The following HVCN1 variants were observed in gnomAD, a reference collection of about 807,000 sequenced individuals.
HVCN1 encodes the protein hydrogen voltage gated channel 1, also known as voltage-gated hydrogen channel 1.
HVCN1 carries 14 observed loss-of-function variants against 29.2 expected under a neutral mutation model. That is an observed-to-expected ratio of 0.48 (90% CI 0.32 to 0.75). The LOEUF is 0.75. Among genes scored for constraint, HVCN1 ranks in the 30% least tolerant of loss-of-function variants. The pLI is 0.04. For missense variants in HVCN1, 263 were observed against 341.8 expected (o/e 0.77, Z 1.82); for synonymous variants, 131 against 133.2 (o/e 0.98, Z 0.11).
At chr12:110,690,970 G>C, upstream of HVCN1, among the ~76,000 whole-genome samples, 1 of 151,666 alleles carries the variant, frequency 6.6e-6, no homozygotes, top group East Asian at 1.9e-4. Context: ...GGTCAGGCTG[G>C]TCTCGAACTT....
chr12:110,678,452 T>C (rs918300210), intron 3 of HVCN1, among the ~76,000 whole-genome samples: 7 of 111,296 alleles, frequency 6.3e-5, no homozygotes, highest in Non-Finnish European at 1.1e-4. Context: ...TTTTTTTTTT[T>C]TTTTTTTTTT....
rs1036037879 is a variant in HVCN1 at position 110,697,725 on chromosome 12, A to T, written c.-104+4584T>A. 4.8e-5 allele frequency among the ~76,000 whole-genome samples: 7 copies of T among 146,074 alleles called. No homozygotes were observed. In the Admixed American group the frequency reaches 5.0e-4, roughly 10 times the overall value. ...CAGTGCGGTGGCACGATCTCAGCTC[A>T]CTGCAACCTCCGTCTCCCAGGTTCA... On this transcript the variant is annotated intron_variant, in intron 2 of 4. Transcript: ENST00000546713.
At chr12:110,683,043 C>A in intron 3 of HVCN1, 182 bp downstream of exon 3, 1 of 732,270 alleles carries the variant, frequency 1.4e-6, no homozygotes. Flanking sequence ...TGTGGAATAT[C>A]AGGCTACTTG....
chr12:110,675,732 T>A (rs1248341539), intron 3 of HVCN1, among the ~76,000 whole-genome samples: 1 of 151,498 alleles, frequency 6.6e-6, no homozygotes, highest in Non-Finnish European at 1.5e-5. Context: ...ATGGTGAAAC[T>A]CTATCTCTAC....
chr12:110,678,439 CTTTTTTTTTTT>C lies in HVCN1; in HGVS notation c.21+4775_21+4785del, dbSNP rs538999674. 1.4e-3 allele frequency among the ~76,000 whole-genome samples: 92 copies of C among 65,848 alleles called. No homozygotes were observed. The East Asian group carries it at 0.026, about 19-fold the overall frequency. The allele number at this position is 65,848 out of a possible 152,430, so 43.2% of individuals were successfully genotyped here. On this transcript the variant is annotated intron_variant, in intron 3 of 7. Coordinates refer to ENST00000242607, the MANE Select transcript of HVCN1 (RefSeq NM_032369.4). ...TCTTATTTTCCATTTCATTCTATTT[CTTTTTTTTTTT>C]TTTTTTTTTTTTTTTTTTGAGACAG...
At chr12:110,650,106 AAGTGCT>A in intron 7 of HVCN1, 56 bp downstream of exon 7, 1 of 1,160,858 alleles carries the variant, frequency 8.6e-7, no homozygotes, top group Non-Finnish European at 1.3e-6. Flanking sequence ...TGGCCTCCCA[AAGTGCT>A]AGGATTACAG....
At chr12:110,685,155 C>T (rs1472564104) in intron 2 of HVCN1, among the ~76,000 whole-genome samples, 1 of 152,024 alleles carries the variant, frequency 6.6e-6, no homozygotes, top group East Asian at 1.9e-4. Flanking sequence ...CCTAGTGGAC[C>T]CAATGTCATC....
intron 5 of HVCN1, among the ~76,000 whole-genome samples, chr12:110,653,474 T>A (rs985917753): frequency 6.6e-6 from 1 of 150,786 alleles, no homozygotes; most frequent in African/African-American, 2.4e-5. Context: ...AAAAAAAAAA[T>A]TAAAAATTCC....
intron 3 of HVCN1, among the ~76,000 whole-genome samples, chr12:110,673,887 G>A (rs2068661192): frequency 6.6e-6 from 1 of 152,242 alleles, no homozygotes; most frequent in Non-Finnish European, 1.5e-5. Context: ...GGGCAGTGCA[G>A]AAGGGAAATG....
At chr12:110,687,368 G>A (rs764950294) in intron 2 of HVCN1, among the ~76,000 whole-genome samples, 1 of 151,996 alleles carries the variant, frequency 6.6e-6, no homozygotes. Context: ...CATTTATGGT[G>A]TGCCCTGAAT....
chr12:110,654,081 A>T (rs918760446), intron 5 of HVCN1, among the ~76,000 whole-genome samples: 4 of 152,180 alleles, frequency 2.6e-5, no homozygotes, highest in Admixed American at 6.6e-5. Flanking sequence ...ATTTTTCATA[A>T]AAAGTTGAGA....
chr12:110,678,839 G>A (rs927847420), intron 3 of HVCN1, among the ~76,000 whole-genome samples: 2 of 152,180 alleles, frequency 1.3e-5, no homozygotes, highest in South Asian at 4.1e-4. Flanking sequence ...ACAGTTTTGG[G>A]GGGACACGCT....
chr12:110,701,714 G>A (rs2069565460), intron 2 of HVCN1, among the ~76,000 whole-genome samples: 1 of 151,812 alleles, frequency 6.6e-6, no homozygotes, highest in South Asian at 2.1e-4. Context: ...AAAAGTAGCT[G>A]GGCATGGTGG....
At chr12:110,678,176 A>C (rs929791915) in intron 3 of HVCN1, among the ~76,000 whole-genome samples, 1 of 152,208 alleles carries the variant, frequency 6.6e-6, no homozygotes, top group East Asian at 1.9e-4. Flanking sequence ...GCCAGCGAGA[A>C]GCAAGGCTAG....
rs145739005 is a variant in HVCN1, at chr12:110,651,743, C to A, written c.412-295G>T. ...GCACAGGGACTAAGGATATTTACTG[C>A]AGCACTGTTTGCAGAACAAATACTT... is the stretch of plus-strand genomic sequence containing the variant. On this transcript the variant is annotated intron_variant, in intron 5 of 7. Transcript: ENST00000242607. 3.5e-3 allele frequency among the ~76,000 whole-genome samples: 529 copies of A among 152,358 alleles called. 1 individual carries two copies. Among genetic ancestry groups the A allele is most frequent in the African/African-American group, 0.012 (496 of 41,586 alleles).
At chr12:110,683,343 T>A (rs775609641) in intron 2 of HVCN1, 79 bp from the exon 3 acceptor site, 30 of 1,482,258 alleles carry the variant, frequency 2.0e-5, no homozygotes, top group Non-Finnish European at 2.6e-5. Context: ...AATCCTTTCT[T>A]ACAAATTAGT....
In HVCN1 at chr12:110,650,248, G is replaced by T. The variant is rs772902585; in HGVS notation, c.676C>A (p.Arg226=). 2 of 1,612,416 alleles carry T rather than the reference G, an allele frequency of 1.2e-6. No homozygotes were observed. Among genetic ancestry groups the T allele is most frequent in the Non-Finnish European group, 1.7e-6 (2 of 1,178,684 alleles). ...ATCTGTTTTAACCTTAAGAGTTGCC[G>T]TTCTGAACGTGTCTTAACTGAGATG... ...IIISVKTRSE[R]QLLRLKQMNV... The change falls in exon 7 of 8, where the codon CGG becomes AGG. Residue 226 remains arginine, a synonymous_variant. Transcript: ENST00000242607.
chr12:110,683,324 G>A, intron 2 of HVCN1, 60 bp from the exon 3 acceptor site: 1 of 1,536,598 alleles, frequency 6.5e-7, no homozygotes, highest in Non-Finnish European at 8.7e-7. Flanking sequence ...GCCTTGGTAT[G>A]TGCTCTGTAA....
intron 3 of HVCN1, among the ~76,000 whole-genome samples, chr12:110,670,917 C>T (rs997408045): frequency 2.6e-5 from 4 of 152,140 alleles, no homozygotes; most frequent in Non-Finnish European, 5.9e-5. Context: ...AGGGGCCAGG[C>T]GCGGTAGCTC....
Sources: gnomAD v4.1 joint callset for allele counts (sites outside exome capture counted in the v4.1 genomes callset) on GRCh38, gnomAD v4.1.1 for gene constraint, MANE v1.5 for transcripts, NCBI Gene and HGNC (gene_info 2026-07-23, HGNC 2026-07-21) for gene names.